The following GLIS3 variants were observed in gnomAD, a reference collection of about 807,000 sequenced individuals.
GLIS3 encodes GLIS family zinc finger 3.
In GLIS3, 53 loss-of-function variants were observed where a neutral mutation model predicts 78.6. The ratio of observed to expected loss-of-function variants is 0.67; its 90% CI spans 0.54 to 0.85. The LOEUF (loss-of-function observed/expected upper bound fraction) is 0.85. Among genes scored for constraint, GLIS3 ranks in the 40% least tolerant of loss-of-function variants. The pLI, the probability that GLIS3 is intolerant of heterozygous loss-of-function variation, is 0.00. For missense variants in GLIS3, 1,703 were observed against 1,231.1 expected, an observed-to-expected ratio of 1.38 and a Z score of -5.74; for synonymous variants, 684 against 509.9, an observed-to-expected ratio of 1.34 and a Z score of -4.60.
chr9:4,454,374 C>T, the GLIS3 span, among the ~76,000 whole-genome samples: 8 of 152,180 alleles, frequency 5.3e-5, no homozygotes, highest in Admixed American at 1.3e-4. Context: ...AAAATCAGAT[C>T]GAACAAGAAA....
chr9:4,211,662 C>T (rs978710435), intron 2 of GLIS3, among the ~76,000 whole-genome samples: 12 of 152,084 alleles, frequency 7.9e-5, no homozygotes, highest in South Asian at 2.1e-4. Context: ...AAATCCCACT[C>T]GTAAATATTT....
chr9:4,322,855 G>A (rs1817554269), intron 2 of GLIS3, among the ~76,000 whole-genome samples: 1 of 152,172 alleles, frequency 6.6e-6, no homozygotes, highest in South Asian at 2.1e-4. Context: ...CTCCCATTCT[G>A]TAGGTTGCCT....
chr9:3,914,897 G>A (rs1824396418), intron 6 of GLIS3, among the ~76,000 whole-genome samples: 1 of 152,194 alleles, frequency 6.6e-6, no homozygotes, highest in South Asian at 2.1e-4. Flanking sequence ...CCCCTGATGT[G>A]ATGCCACCAA....
upstream of GLIS3, among the ~76,000 whole-genome samples, chr9:4,348,645 G>A (rs537187865): frequency 2.0e-5 from 3 of 152,110 alleles, no homozygotes; most frequent in Non-Finnish European, 4.4e-5. Flanking sequence ...CGAAATTTGA[G>A]GACTCAACTA....
At chr9:4,278,561 C>G (rs1245690461) in intron 2 of GLIS3, among the ~76,000 whole-genome samples, 1 of 152,158 alleles carries the variant, frequency 6.6e-6, no homozygotes, top group Non-Finnish European at 1.5e-5. Context: ...ATGAGTGATT[C>G]TGTAGTGATT....
chr9:4,058,987 C>CAAAAAAA (rs111956039), intron 4 of GLIS3, among the ~76,000 whole-genome samples: 1 of 130,676 alleles, frequency 7.7e-6, no homozygotes, highest in Non-Finnish European at 1.7e-5. Context: ...ATCTCAAAAA[C>CAAAAAAA]AAAAAAAAAA....
At chr9:3,872,226 A>G (rs954476618) in intron 8 of GLIS3, among the ~76,000 whole-genome samples, 7 of 152,182 alleles carry the variant, frequency 4.6e-5, no homozygotes, top group Non-Finnish European at 7.3e-5. Context: ...GCCATTCAAC[A>G]AGTCTCTAGG....
At chr9:4,416,364 T>G in the GLIS3 span, among the ~76,000 whole-genome samples, 1 of 149,842 alleles carries the variant, frequency 6.7e-6, no homozygotes, top group Non-Finnish European at 1.5e-5. Flanking sequence ...TTTTAAAACC[T>G]CTCTTACTGT....
chr9:4,427,866 G>A, the GLIS3 span, among the ~76,000 whole-genome samples: 2,694 of 151,370 alleles, frequency 0.018, 74 homozygotes, highest in African/African-American at 0.062. Flanking sequence ...TAAAAAAAAA[G>A]AAGAAGAACA....
intron 2 of GLIS3, among the ~76,000 whole-genome samples, chr9:4,312,938 C>G (rs1042396019): frequency 1.3e-5 from 2 of 152,212 alleles, no homozygotes; most frequent in Admixed American, 6.5e-5. Context: ...ACGTTAGCCC[C>G]ACATGCACAC....
chr9:3,935,869 T>C (rs1363743184), intron 5 of GLIS3, among the ~76,000 whole-genome samples: 1 of 152,200 alleles, frequency 6.6e-6, no homozygotes, highest in Admixed American at 6.5e-5. Context: ...TAATTATATT[T>C]GAGATATTTA....
At chr9:4,126,014 C>G in intron 2 of GLIS3, 73 bp from the exon 3 acceptor site, 1 of 1,148,064 alleles carries the variant, frequency 8.7e-7, no homozygotes, top group Non-Finnish European at 1.3e-6. Flanking sequence ...CATGTGCACG[C>G]TTATATCAGG....
chr9:4,453,457 C>A, the GLIS3 span, among the ~76,000 whole-genome samples: 2 of 151,228 alleles, frequency 1.3e-5, no homozygotes, highest in South Asian at 2.1e-4. Flanking sequence ...TATCCAGAAT[C>A]TACAAAGAAC....
intron 4 of GLIS3, among the ~76,000 whole-genome samples, chr9:4,093,411 G>C (rs1489985352): frequency 6.6e-6 from 1 of 152,244 alleles, no homozygotes; most frequent in Non-Finnish European, 1.5e-5. Context: ...GTGGAAGACA[G>C]AGGAGAGCAG....
chr9:4,148,666 C>A (rs1834419197), intron 2 of GLIS3, among the ~76,000 whole-genome samples: 1 of 152,036 alleles, frequency 6.6e-6, no homozygotes, highest in African/African-American at 2.4e-5. Flanking sequence ...TGCCTATGAA[C>A]AGGTAATGCC....
chr9:3,826,207 T>A lies in GLIS3; in HGVS notation c.*2065A>T, dbSNP rs572495867. 1 of 152,240 alleles carries A rather than the reference T, an allele frequency of 6.6e-6. No homozygotes were observed. The highest frequency in any genetic ancestry group is 2.4e-5 in the African/African-American group (1 of 41,468). 9.4% of individuals were successfully genotyped at this position (152,240 alleles called of 1,614,324 possible). On this transcript the variant is annotated 3_prime_UTR_variant, in exon 11 of 11. Transcript: ENST00000381971. ...CATTGTACAAATGAAATGAAATGTA[T>A]TTTGAGTTCCTTGTAAAGGCTTCCA... is the stretch of plus-strand genomic sequence containing the variant.
chr9:4,395,693 A>G, the GLIS3 span, among the ~76,000 whole-genome samples: 8 of 151,882 alleles, frequency 5.3e-5, no homozygotes, highest in African/African-American at 1.7e-4. Context: ...ACTTGAATTT[A>G]TTTTATGTCT....
intron 2 of GLIS3, among the ~76,000 whole-genome samples, chr9:4,233,479 T>C (rs1198177956): frequency 2.6e-5 from 4 of 152,200 alleles, no homozygotes; most frequent in Non-Finnish European, 4.4e-5. Context: ...ACTAGTAATA[T>C]TTTGAAGGAA....
At chr9:3,928,487 T>G (rs1235744661) in intron 6 of GLIS3, among the ~76,000 whole-genome samples, 1 of 152,236 alleles carries the variant, frequency 6.6e-6, no homozygotes, top group Non-Finnish European at 1.5e-5. Flanking sequence ...CTCTTAAAGA[T>G]TCAAAGAACT....
Sources: gnomAD v4.1 joint callset for allele counts (sites outside exome capture counted in the v4.1 genomes callset) on GRCh38, gnomAD v4.1.1 for gene constraint, MANE v1.5 for transcripts, NCBI Gene and HGNC (gene_info 2026-07-23, HGNC 2026-07-21) for gene names.